The following ELMO1 variants were observed in gnomAD, a reference collection of about 807,000 sequenced individuals.
ELMO1 encodes the protein engulfment and cell motility protein 1.
ELMO1 carries 26 observed loss-of-function variants against 98.9 expected under a neutral mutation model. The ratio of observed to expected loss-of-function variants is 0.26; its 90% CI spans 0.19 to 0.36. ELMO1 has a LOEUF of 0.36. Ranked by LOEUF, ELMO1 falls within the 10% of genes least tolerant of loss-of-function variation. ELMO1 has a pLI of 1.00. For missense variants in ELMO1, 627 were observed against 935.2 expected (o/e 0.67, Z 4.30); for synonymous variants, 346 against 346.0 (o/e 1.00, Z 0.00).
intron 15 of ELMO1, among the ~76,000 whole-genome samples, chr7:37,075,494 T>C (rs1254635377): frequency 6.6e-6 from 1 of 151,794 alleles, no homozygotes; most frequent in Non-Finnish European, 1.5e-5. Context: ...ATCTTTCCGA[T>C]AAAACCCTGG....
chr7:37,027,674 C>T (rs1794656250), intron 15 of ELMO1, among the ~76,000 whole-genome samples: 1 of 152,016 alleles, frequency 6.6e-6, no homozygotes, highest in Non-Finnish European at 1.5e-5. Context: ...TGGCAAGGAC[C>T]ATAGCTCTTT....
intron 15 of ELMO1, among the ~76,000 whole-genome samples, chr7:37,029,528 G>A (rs1047128159): frequency 6.6e-6 from 1 of 152,080 alleles, no homozygotes; most frequent in Non-Finnish European, 1.5e-5. Flanking sequence ...GTGTTTTGGT[G>A]GTATTTTGGG....
intron 4 of ELMO1, among the ~76,000 whole-genome samples, chr7:37,274,737 G>C (rs1796735113): frequency 6.6e-6 from 1 of 152,086 alleles, no homozygotes; most frequent in Non-Finnish European, 1.5e-5. Flanking sequence ...ATTTTTAGTA[G>C]AGGCGAGGTT....
intron 8 of ELMO1, among the ~76,000 whole-genome samples, chr7:37,229,797 G>A (rs1263578689): frequency 6.6e-6 from 1 of 151,900 alleles, no homozygotes; most frequent in Admixed American, 6.6e-5. Context: ...AATGAGACTG[G>A]GAATGAGGAC....
intron 15 of ELMO1, among the ~76,000 whole-genome samples, chr7:37,041,605 A>G (rs1021518232): frequency 1.3e-5 from 2 of 152,244 alleles, no homozygotes; most frequent in African/African-American, 4.8e-5. Flanking sequence ...CACCAGAGAC[A>G]AAAAGGATGA....
chr7:37,303,445 C>T (rs186156809), intron 4 of ELMO1, among the ~76,000 whole-genome samples: 2 of 152,266 alleles, frequency 1.3e-5, no homozygotes, highest in Non-Finnish European at 2.9e-5. Flanking sequence ...AATCTGATTG[C>T]TGTTCAACAA....
At chr7:37,428,640 C>T (rs1334631624) in intron 1 of ELMO1, among the ~76,000 whole-genome samples, 3 of 152,200 alleles carry the variant, frequency 2.0e-5, no homozygotes, top group African/African-American at 7.2e-5. Flanking sequence ...TTTTCCACCA[C>T]GTCTTCAGAA....
intron 16 of ELMO1, among the ~76,000 whole-genome samples, chr7:36,973,636 C>T (rs1790179223): frequency 6.6e-6 from 1 of 152,232 alleles, no homozygotes; most frequent in African/African-American, 2.4e-5. Context: ...TGGGCTCCCA[C>T]TTTGGCGGCA....
At chr7:37,360,468 C>T (rs1801660566) in intron 1 of ELMO1, among the ~76,000 whole-genome samples, 1 of 147,972 alleles carries the variant, frequency 6.8e-6, no homozygotes, top group Non-Finnish European at 1.5e-5. Flanking sequence ...CAAACATCTA[C>T]ATAAAGTTTT....
At chr7:36,933,471 A>T (rs985020411) in intron 16 of ELMO1, among the ~76,000 whole-genome samples, 2 of 152,170 alleles carry the variant, frequency 1.3e-5, no homozygotes, top group African/African-American at 4.8e-5. Flanking sequence ...GTGAGAAGTG[A>T]GCTGTGAAAT....
chr7:37,291,579 C>T (rs940614547), intron 4 of ELMO1, among the ~76,000 whole-genome samples: 3 of 152,142 alleles, frequency 2.0e-5, no homozygotes, highest in African/African-American at 7.2e-5. Flanking sequence ...ATAATAAACA[C>T]AGAAAAATAT....
intron 16 of ELMO1, among the ~76,000 whole-genome samples, chr7:36,965,820 A>T (rs978433214): frequency 6.6e-6 from 1 of 152,200 alleles, no homozygotes. Context: ...GCTTGGAAGC[A>T]TCACATCCGC....
intron 7 of ELMO1, among the ~76,000 whole-genome samples, chr7:37,242,200 C>A (rs1319657245): frequency 1.3e-5 from 2 of 152,150 alleles, no homozygotes; most frequent in Admixed American, 6.5e-5. Context: ...TACACTGATA[C>A]ATCTTCAAGG....
At chr7:37,379,834 T>C (rs1373824791) in intron 1 of ELMO1, among the ~76,000 whole-genome samples, 1 of 152,136 alleles carries the variant, frequency 6.6e-6, no homozygotes, top group Non-Finnish European at 1.5e-5. Flanking sequence ...CAAACATTCT[T>C]TTTGGATAAG....
At chr7:36,959,988 C>T (rs2129118281) in intron 16 of ELMO1, among the ~76,000 whole-genome samples, 1 of 152,296 alleles carries the variant, frequency 6.6e-6, no homozygotes, top group Admixed American at 6.5e-5. Flanking sequence ...CCAGGAAAGA[C>T]CAGAGTTGAC....
Position 37,447,709 on chromosome 7 carries a change from AC to A in ELMO1, c.-74+965del, listed in dbSNP as rs1805687816. Among the ~76,000 whole-genome samples, 3 of 96,772 alleles carry A rather than the reference AC, an allele frequency of 3.1e-5. No homozygotes were observed. The South Asian group carries it at 1.2e-3, about 37-fold the overall frequency. 63.5% of individuals were successfully genotyped at this position (96,772 alleles called of 152,430 possible). Reference sequence around the variant, plus strand: ...CACACACATACATACGCGCGCGCGCACACACCACACACACACACACACACAC... The same window carrying A: ...CACACACATACATACGCGCGCGCGCAACACCACACACACACACACACACAC... On this transcript the variant is annotated intron_variant, in intron 1 of 21. Coordinates refer to ENST00000310758, the MANE Select transcript of ELMO1 (RefSeq NM_014800.11).
chr7:37,010,040 A>G (rs1051639721), intron 16 of ELMO1, among the ~76,000 whole-genome samples: 14 of 152,216 alleles, frequency 9.2e-5, no homozygotes, highest in South Asian at 4.1e-4. Flanking sequence ...GCAGTCTTCA[A>G]AATGAACCAG....
chr7:36,963,402 A>C (rs1225460841), intron 16 of ELMO1, among the ~76,000 whole-genome samples: 1 of 88,092 alleles, frequency 1.1e-5, no homozygotes, highest in Non-Finnish European at 2.2e-5. Context: ...TAAATAAATA[A>C]AAAAATAAAT....
In ELMO1 at chr7:36,870,418, T is replaced by C. The variant is rs771149584; in HGVS notation, c.1880A>G (p.Glu627Gly). 1.2e-6 allele frequency: 2 copies of C among 1,614,136 alleles called. No homozygotes were observed. The highest frequency in any genetic ancestry group is 1.7e-6 in the Non-Finnish European group (2 of 1,180,000). Residue 627 changes from glutamate (E) to glycine (G), a missense_variant, in exon 20 of 22, where the codon GAG (glutamate) becomes GGG (glycine). Transcript: ENST00000310758. This position sits in a 1 kb window ranked among gnomAD's most constrained non-coding sequence, Gnocchi z 4.4. ...CTTGTTTTGTTTAAGGGCACCTTTCTCTTTCATATGAGGGCAGTCCTTTCC... is the reference window on the plus strand; with the variant it reads ...CTTGTTTTGTTTAAGGGCACCTTTCCCTTTCATATGAGGGCAGTCCTTTCC... ...VTGKDCPHMKEKGALKQNKEV... is the reference protein window; with the variant it reads ...VTGKDCPHMKGKGALKQNKEV...
Sources: gnomAD v4.1 joint callset for allele counts (sites outside exome capture counted in the v4.1 genomes callset) on GRCh38, gnomAD v4.1.1 for gene constraint, Gnocchi (gnomAD v3.1) non-coding constraint, MANE v1.5 for transcripts, NCBI Gene and HGNC (gene_info 2026-07-23, HGNC 2026-07-21) for gene names.